Variants in MAPK10 observed in about 807,000 individuals in gnomAD.
MAPK10 encodes the protein mitogen-activated protein kinase 10, also known as JNK3 alpha protein kinase.
In MAPK10, 25 loss-of-function variants were observed where a neutral mutation model predicts 59.3. The ratio of observed to expected loss-of-function variants is 0.42; its 90% CI spans 0.31 to 0.59. The LOEUF (loss-of-function observed/expected upper bound fraction) is 0.59. Ranked by LOEUF, MAPK10 falls within the 20% of genes least tolerant of loss-of-function variation. The pLI is 0.15. For synonymous variants in MAPK10, 190 were observed against 200.5 expected, an observed-to-expected ratio of 0.95 and a Z score of 0.44; for missense variants, 351 against 568.9, an observed-to-expected ratio of 0.62 and a Z score of 3.90.
At chr4:86,216,294 G>GCA (rs34364808) in intron 2 of MAPK10, among the ~76,000 whole-genome samples, 5,712 of 114,712 alleles carry the variant, frequency 0.05, 383 homozygotes, top group African/African-American at 0.19. Flanking sequence ...TATATATATA[G>GCA]CATATATATA....
chr4:86,323,127 T>C (rs2095939761), intron 2 of MAPK10, among the ~76,000 whole-genome samples: 1 of 152,152 alleles, frequency 6.6e-6, no homozygotes, highest in Non-Finnish European at 1.5e-5. Context: ...TGAGCTGAGG[T>C]TGTTCCACTG....
At chr4:86,139,676 G>A (rs2063155163) in intron 4 of MAPK10, among the ~76,000 whole-genome samples, 1 of 152,106 alleles carries the variant, frequency 6.6e-6, no homozygotes, top group Non-Finnish European at 1.5e-5. Context: ...AGACAAAATT[G>A]ACAAATGGGA....
intron 2 of MAPK10, among the ~76,000 whole-genome samples, chr4:86,201,103 C>T (rs1468480078): frequency 6.6e-6 from 1 of 151,818 alleles, no homozygotes; most frequent in Non-Finnish European, 1.5e-5. Context: ...CAACATTTGT[C>T]TTTTCATGCT....
intron 2 of MAPK10, among the ~76,000 whole-genome samples, chr4:86,206,476 T>A (rs1240741996): frequency 6.6e-6 from 1 of 152,102 alleles, no homozygotes; most frequent in African/African-American, 2.4e-5. Flanking sequence ...TCCAAGTCTT[T>A]GCTTTTGTGA....
intron 1 of MAPK10, among the ~76,000 whole-genome samples, chr4:86,459,355 A>G (rs1206344528): frequency 2.6e-5 from 4 of 152,246 alleles, no homozygotes; most frequent in African/African-American, 7.2e-5. Context: ...GAGATTCCTT[A>G]AAGAACTAAA....
intron 1 of MAPK10, among the ~76,000 whole-genome samples, chr4:86,504,873 T>C (rs762471857): frequency 3.3e-5 from 5 of 152,128 alleles, no homozygotes; most frequent in African/African-American, 4.8e-5. Flanking sequence ...AAGATTCATG[T>C]GCTAGAACTC....
rs1564427288 is a variant in MAPK10 at position 86,328,987 on chromosome 4, C to T, written c.-7+25543G>A. On this transcript the variant is annotated intron_variant, in intron 2 of 13. Transcript: ENST00000641462. ...TACCTATATAACAAACCTACATGTT[C>T]TGCACATGTATCCCGGGACTTAAAG... is the stretch of plus-strand genomic sequence containing the variant. Among the ~76,000 whole-genome samples the T allele has an allele frequency of 2.0e-5, 3 of 152,062 alleles. 1 individual carries two copies. The South Asian group carries it at 6.2e-4, about 32-fold the overall frequency.
intron 2 of MAPK10, among the ~76,000 whole-genome samples, chr4:86,251,252 G>A (rs2093405847): frequency 6.6e-6 from 1 of 151,750 alleles, no homozygotes; most frequent in Admixed American, 6.6e-5. Context: ...GTATACATGT[G>A]CCATGCTGGT....
At chr4:86,152,422 A>G (rs1387840161) in intron 4 of MAPK10, 1 of 152,190 alleles carries the variant, frequency 6.6e-6, no homozygotes, top group Non-Finnish European at 1.5e-5. Flanking sequence ...CAATGGCTCA[A>G]TGCTGGATTC....
chr4:86,303,297 C>T (rs1404990796), intron 2 of MAPK10, among the ~76,000 whole-genome samples: 2 of 152,130 alleles, frequency 1.3e-5, no homozygotes, highest in Non-Finnish European at 2.9e-5. Context: ...AACCAATTCC[C>T]CCTTATCAAC....
chr4:86,452,657 C>A (rs980939620), intron 1 of MAPK10, among the ~76,000 whole-genome samples: 2 of 152,122 alleles, frequency 1.3e-5, no homozygotes, highest in African/African-American at 4.8e-5. Context: ...AGAGATTTTC[C>A]TGTAAGCTAA....
At chr4:86,550,374 T>TAAAAAAAAAAAAAAAAAAA (rs753508493) in intron 1 of MAPK10, among the ~76,000 whole-genome samples, 1 of 77,380 alleles carries the variant, frequency 1.3e-5, no homozygotes, top group Non-Finnish European at 2.3e-5. Context: ...GAGCTTCAGT[T>TAAAAAAAAAAAAAAAAAAA]AAAAAAAAAA....
At chr4:86,537,365 A>C (rs1390122369) in intron 1 of MAPK10, among the ~76,000 whole-genome samples, 1 of 152,202 alleles carries the variant, frequency 6.6e-6, no homozygotes, top group African/African-American at 2.4e-5. Flanking sequence ...CATAGATATA[A>C]GTGTGTGTAT....
intron 1 of MAPK10, among the ~76,000 whole-genome samples, chr4:86,372,552 G>GA (rs1346655043): frequency 1.3e-4 from 2 of 15,562 alleles, no homozygotes; most frequent in African/African-American, 2.9e-4. Flanking sequence ...AAGAAAGAAA[G>GA]AAAGAAAGAA....
intron 1 of MAPK10, among the ~76,000 whole-genome samples, chr4:86,475,765 A>G (rs1320428351): frequency 6.9e-6 from 1 of 144,312 alleles, no homozygotes; most frequent in South Asian, 2.3e-4. Flanking sequence ...GGGGGCAAGA[A>G]CCCCCCACCC....
At chr4:86,119,108 T>C (rs1327557493) in intron 4 of MAPK10, among the ~76,000 whole-genome samples, 1 of 152,232 alleles carries the variant, frequency 6.6e-6, no homozygotes, top group African/African-American at 2.4e-5. Context: ...AGTTTGGTTA[T>C]ATTTGTTGAG....
chr4:86,125,114 C>A (rs1335466617), intron 4 of MAPK10: 1 of 151,798 alleles, frequency 6.6e-6, no homozygotes, highest in Admixed American at 6.6e-5. Context: ...TTAGCAGATA[C>A]CTAAGCCCCT....
intron 2 of MAPK10, among the ~76,000 whole-genome samples, chr4:86,337,289 C>T (rs1722067475): frequency 6.6e-6 from 1 of 152,060 alleles, no homozygotes; most frequent in Non-Finnish European, 1.5e-5. Flanking sequence ...GAAGTCTTGC[C>T]ATAGATTAAA....
At chr4:86,328,671 A>G (rs1412127634) in intron 2 of MAPK10, among the ~76,000 whole-genome samples, 1 of 152,242 alleles carries the variant, frequency 6.6e-6, no homozygotes, top group Non-Finnish European at 1.5e-5. Flanking sequence ...CTATGCAGCC[A>G]TAACAAAGGA....
Sources: gnomAD v4.1 joint callset for allele counts (sites outside exome capture counted in the v4.1 genomes callset) on GRCh38, gnomAD v4.1.1 for gene constraint, MANE v1.5 for transcripts, NCBI Gene and HGNC (gene_info 2026-07-23, HGNC 2026-07-21) for gene names.